The following PHKG1 variants were observed in gnomAD, a reference collection of about 807,000 sequenced individuals.
PHKG1 encodes phosphorylase kinase catalytic subunit gamma 1, also known as phosphorylase b kinase gamma catalytic chain, skeletal muscle/heart isoform.
A neutral mutation model predicts 50.5 loss-of-function variants in PHKG1; 48 were observed. The observed-to-expected ratio is 0.95, with a 90% CI of 0.75 to 1.21. The LOEUF is 1.21. PHKG1 is among the 50% of genes most tolerant of loss of function. The pLI, the probability that PHKG1 is intolerant of heterozygous loss-of-function variation, is 0.00. For synonymous variants in PHKG1, 204 were observed against 212.8 expected, an observed-to-expected ratio of 0.96 and a Z score of 0.36; for missense variants, 487 against 519.5, an observed-to-expected ratio of 0.94 and a Z score of 0.61.
chr7:56,090,888 T>C (rs12673255), intron 1 of PHKG1, among the ~76,000 whole-genome samples: 33,372 of 152,038 alleles, frequency 0.22, 3,829 homozygotes, highest in East Asian at 0.4. Flanking sequence ...ACATGGAGGC[T>C]CCTACCAGGG....
Position 56,081,391 on chromosome 7 carries a change from G to GGCTTCGTGGC in PHKG1, c.919-93_919-92insGCCACGAAGC. On this transcript the variant is annotated intron_variant, in intron 9 of 9. Coordinates refer to ENST00000297373, the MANE Select transcript of PHKG1 (RefSeq NM_006213.5). This position sits in a 1 kb window ranked among gnomAD's most constrained non-coding sequence, Gnocchi z 4.6. The stretch of plus-strand genomic sequence containing the variant: ...GGGACGCTCTGGGCTCGTTTGCCAC[G>GGCTTCGTGGC]AAGCCTTGGGTGGCTTCTGCGGGGC... 6.8e-7 allele frequency: 1 copy of GGCTTCGTGGC among 1,464,488 alleles called. No homozygotes were observed. The highest frequency in any genetic ancestry group is 9.1e-7 in the Non-Finnish European group (1 of 1,099,380). 90.7% of individuals were successfully genotyped at this position (1,464,488 alleles called of 1,614,324 possible).
Position 56,082,270 on chromosome 7 carries a change from C to T in PHKG1, c.548-17G>A. Reference sequence around the variant, plus strand: ...CGCAGACCTCTGCAGGAACAGTCATCATCAGGGCAGGTCAGCAGGGCACTC... The same window carrying T: ...CGCAGACCTCTGCAGGAACAGTCATTATCAGGGCAGGTCAGCAGGGCACTC... On this transcript the variant is annotated splice_polypyrimidine_tract_variant and intron_variant, in intron 6 of 9. Coordinates refer to ENST00000297373, the MANE Select transcript of PHKG1 (RefSeq NM_006213.5). 6.2e-7 allele frequency: 1 copy of T among 1,603,184 alleles called. No individual in the cohort carries two copies. Among genetic ancestry groups the T allele is most frequent in the Non-Finnish European group, 8.5e-7 (1 of 1,172,112 alleles).
Position 56,088,841 on chromosome 7 carries a change from G to T in PHKG1, c.83+18C>A. 4 of 1,592,206 alleles carry T rather than the reference G, an allele frequency of 2.5e-6. No individual in the cohort carries two copies. Among genetic ancestry groups the T allele is most frequent in the Non-Finnish European group, 3.4e-6 (4 of 1,161,654 alleles). ...TGGAGCCTAGGACAGCACTTCGTGG[G>T]GAAAGCTTGGGCTTTACCTGCCCAG... On this transcript the variant is annotated intron_variant, in intron 2 of 9. Transcript: ENST00000297373.
chr7:56,081,530 T>C lies in PHKG1; in HGVS notation c.918+100A>G. On this transcript the variant is annotated intron_variant, in intron 9 of 9. Transcript: ENST00000297373. The surrounding 1 kb of genome is among the most constrained non-coding windows in gnomAD (Gnocchi z 4.6). ...GGGCAGCTGGGAGGGGAGGGATGGG[T>C]ACTCTGGAAATTCACGGGGTGTAAG... The C allele has an allele frequency of 1.4e-6, 2 of 1,403,374 alleles. No homozygotes were observed. The highest frequency in any genetic ancestry group is 1.8e-5 in the Admixed American group (1 of 55,850). The allele number at this position is 1,403,374 out of a possible 1,614,324, so 86.9% of individuals were successfully genotyped here.
At chr7:56,090,924 G>C (rs1375278855) in intron 1 of PHKG1, among the ~76,000 whole-genome samples, 1 of 152,134 alleles carries the variant, frequency 6.6e-6, no homozygotes, top group Non-Finnish European at 1.5e-5. Context: ...TCAGATGTAG[G>C]ATTTAGGCGT....
At chr7:56,084,165 C>T (rs1796149614) in intron 4 of PHKG1, 1 of 1,531,570 alleles carries the variant, frequency 6.5e-7, no homozygotes, top group African/African-American at 1.4e-5. Flanking sequence ...CTGCCCTGGG[C>T]CCTGAAGTTG....
chr7:56,086,982 A>G lies in PHKG1; in HGVS notation c.305T>C (p.Leu102Ser). The change falls in exon 4 of 10, where the codon TTG (leucine) becomes TCG (serine). Residue 102 changes from leucine to serine, a missense_variant. Leu to Ser is a moderately radical substitution (Grantham distance 145). Transcript: ENST00000297373. ...DTYETNTFFFLVFDLMKRGEL... is the reference protein window; with the variant it reads ...DTYETNTFFFSVFDLMKRGEL... ...GCTGGGTACTTACAGGTCAAACACC[A>G]AGAAGAAGAAAGTGTTGGTCTCATA... 6.2e-7 allele frequency: 1 copy of G among 1,612,916 alleles called. No homozygotes were observed.
At position 56,081,647 on chromosome 7, in the gene PHKG1, G is replaced by A; in HGVS notation, c.901C>T (p.Pro301Ser). 1 of 1,613,740 alleles carries A rather than the reference G, an allele frequency of 6.2e-7. No individual in the cohort carries two copies. The highest frequency in any genetic ancestry group is 8.5e-7 in the Non-Finnish European group (1 of 1,179,990). The change falls in exon 9 of 10, where the codon CCC becomes TCC. Residue 301 changes from proline to serine, a missense_variant. Coordinates refer to ENST00000297373, the MANE Select transcript of PHKG1 (RefSeq NM_006213.5). This position sits in a 1 kb window ranked among gnomAD's most constrained non-coding sequence, Gnocchi z 4.6. ...YLVEEVRHFS[P>S]RGKFKVIALT... is the part of the protein sequence containing the mutation. ...CTTAGTACCTTGAACTTCCCCCGGGGGCTGAAGTGCCGCACTTCCTCCACC... is the reference window on the plus strand; with the variant it reads ...CTTAGTACCTTGAACTTCCCCCGGGAGCTGAAGTGCCGCACTTCCTCCACC...
At chr7:56,082,083 C>T in intron 7 of PHKG1, 37 bp from the exon 8 acceptor site, 1 of 1,609,496 alleles carries the variant, frequency 6.2e-7, no homozygotes, top group Non-Finnish European at 8.5e-7. Flanking sequence ...TTACCCAGCG[C>T]CAGGGGCACC....
intron 7 of PHKG1, 52 bp downstream of exon 7, chr7:56,082,111 T>C: frequency 8.7e-6 from 14 of 1,611,200 alleles, no homozygotes; most frequent in African/African-American, 1.3e-5. Context: ...CCCTGCCTAC[T>C]TCCTCCCTTG....
At chr7:56,082,480 C>T (rs188548626) in intron 6 of PHKG1, among the ~76,000 whole-genome samples, 2 of 152,248 alleles carry the variant, frequency 1.3e-5, no homozygotes, top group East Asian at 1.9e-4. Context: ...GTAGTCCCAG[C>T]TACTCAGGAG....
Position 56,087,677 on chromosome 7 carries a change from C to A in PHKG1, c.183G>T (p.Pro61=), listed in dbSNP as rs56278042. ...IDVTGGGSFS[P]EEVRELREAT... is the part of the protein sequence containing the mutation. ...CTTCTCGCAGCTCCCGCACCTCCTC[C>A]GGGCTGAAGCTGCCTCCACCGGTGA... Residue 61 remains proline, a synonymous_variant, in exon 3 of 10, where the codon CCG becomes CCT. Transcript: ENST00000297373. 1.2e-6 allele frequency: 2 copies of A among 1,613,998 alleles called. No homozygotes were observed. Among genetic ancestry groups the A allele is most frequent in the Non-Finnish European group, 1.7e-6 (2 of 1,180,026 alleles).
chr7:56,092,319 C>T (rs1303640771), intron 1 of PHKG1, among the ~76,000 whole-genome samples: 2 of 152,196 alleles, frequency 1.3e-5, no homozygotes, highest in Non-Finnish European at 2.9e-5. Context: ...GTCGCCCAGG[C>T]TGGAGTGCAG....
chr7:56,082,371 T>C, intron 6 of PHKG1, 118 bp from the exon 7 acceptor site: 1 of 704,198 alleles, frequency 1.4e-6, no homozygotes, highest in Non-Finnish European at 2.4e-6. Context: ...GGCAGGTGGC[T>C]CATCTGAGGC....
At chr7:56,088,034 C>CTTTTT (rs34445347) in intron 2 of PHKG1, among the ~76,000 whole-genome samples, 3 of 77,900 alleles carry the variant, frequency 3.9e-5, no homozygotes, top group Non-Finnish European at 2.2e-5. Flanking sequence ...CCGTTCAGTG[C>CTTTTT]TTTTTTTTTT....
chr7:56,082,028 G>T lies in PHKG1; in HGVS notation c.657C>A (p.Ile219=). The T allele has an allele frequency of 1.2e-6, 2 of 1,613,570 alleles. No homozygotes were observed. The highest frequency in any genetic ancestry group is 1.7e-6 in the Non-Finnish European group (2 of 1,179,628). The change falls in exon 8 of 10, where the codon ATC becomes ATA. Residue 219 remains isoleucine (I), a synonymous_variant. Transcript: ENST00000297373. ...GGGAGCCGGCCAGCAGCGTGTACAT[G>T]ATGACGCCAGTGCTCCACCTGGACA... ...KEVDMWSTGV[I]MYTLLAGSPP... is the part of the protein sequence containing the mutation.
chr7:56,086,742 T>C, intron 4 of PHKG1: 1 of 562,198 alleles, frequency 1.8e-6, no homozygotes, highest in Non-Finnish European at 3.2e-6. Context: ...CCCATAATAC[T>C]GATGAGAAAA....
chr7:56,091,265 CCAG>C (rs1344781174), intron 1 of PHKG1, among the ~76,000 whole-genome samples: 2 of 151,822 alleles, frequency 1.3e-5, no homozygotes, highest in Non-Finnish European at 1.5e-5. Flanking sequence ...GCCTGTAATC[CCAG>C]CACTTTGGGA....
Position 56,081,310 on chromosome 7 carries a change from A to C in PHKG1, c.919-11T>G. On this transcript the variant is annotated splice_polypyrimidine_tract_variant and intron_variant, in intron 9 of 9. Transcript: ENST00000297373. This position sits in a 1 kb window ranked among gnomAD's most constrained non-coding sequence, Gnocchi z 4.6. ...GGTCAGAGCGATCACCTGCAGGGCC[A>C]GGCGGAGAAGCTGGGCTGCAGCCCC... 1 of 1,599,770 alleles carries C rather than the reference A, an allele frequency of 6.3e-7. No homozygotes were observed. Among genetic ancestry groups the C allele is most frequent in the Non-Finnish European group, 8.5e-7 (1 of 1,177,182 alleles).
Sources: allele counts gnomAD v4.1 joint callset (sites outside exome capture counted in the v4.1 genomes callset), GRCh38; gene constraint gnomAD v4.1.1; non-coding constraint Gnocchi (gnomAD v3.1); transcripts MANE v1.5; gene names NCBI Gene and HGNC (gene_info 2026-07-23, HGNC 2026-07-21).